RSPO1: variants seen among roughly 807,000 people sequenced by gnomAD.
The protein encoded by RSPO1 is R-spondin-1.
RSPO1 carries 18 observed loss-of-function variants against 26.0 expected under a neutral mutation model. That is an observed-to-expected ratio of 0.69 (90% confidence interval 0.48 to 1.03). RSPO1 has a LOEUF of 1.03. RSPO1 is among the 50% of genes least tolerant of loss of function. RSPO1 has a pLI of 0.00. For missense variants in RSPO1, 309 were observed against 352.3 expected (o/e 0.88, Z 0.98); for synonymous variants, 133 against 137.4 (o/e 0.97, Z 0.22).
At chr1:37,627,192 C>G (rs1644289660) in intron 3 of RSPO1, among the ~76,000 whole-genome samples, 1 of 152,098 alleles carries the variant, frequency 6.6e-6, no homozygotes, top group African/African-American at 2.4e-5. Context: ...GGCTCATACA[C>G]AGCACACCTA....
chr1:37,630,203 T>C (rs568556690), intron 2 of RSPO1, among the ~76,000 whole-genome samples: 1 of 152,366 alleles, frequency 6.6e-6, no homozygotes, highest in African/African-American at 2.4e-5. Context: ...TGATGATTTC[T>C]CAATAACGGG....
intron 3 of RSPO1, among the ~76,000 whole-genome samples, chr1:37,626,365 A>G (rs951842897): frequency 2.0e-5 from 3 of 151,604 alleles, no homozygotes; most frequent in Admixed American, 2.0e-4. Flanking sequence ...GCTCTCCAGA[A>G]CCCCCTTGAT....
chr1:37,624,205 G>T lies in RSPO1; in HGVS notation c.94+5363C>A, dbSNP rs149973650. On this transcript the variant is annotated intron_variant, in intron 3 of 6. Transcript: ENST00000356545. ...GGAGGCTGAGGCAGGAGGATATCTTGAGCCCAGGAGTTTGAGACCAGCCTT... is the reference window on the plus strand; with the variant it reads ...GGAGGCTGAGGCAGGAGGATATCTTTAGCCCAGGAGTTTGAGACCAGCCTT... Among the ~76,000 whole-genome samples the T allele has an allele frequency of 6.0e-3, 917 of 152,280 alleles. 12 individuals are homozygous for T. The highest frequency in any genetic ancestry group is 0.021 in the African/African-American group (880 of 41,556).
chr1:37,613,063 G>A lies in RSPO1; in HGVS notation c.626-142C>T. 1.1e-6 allele frequency: 1 copy of A among 900,330 alleles called. No homozygotes were observed. The highest frequency in any genetic ancestry group is 1.4e-5 in the South Asian group (1 of 71,030). The allele number at this position is 900,330 out of a possible 1,614,324, so 55.8% of individuals were successfully genotyped here. ...CTGGAGATGCTGCCTCTAGGTAGTT[G>A]GGTCATCGTGACCTCCTCTGACAGC... On this transcript the variant is annotated intron_variant, in intron 6 of 6. Transcript: ENST00000356545. This position sits in a 1 kb window ranked among gnomAD's most constrained non-coding sequence, Gnocchi z 4.5.
intron 4 of RSPO1, among the ~76,000 whole-genome samples, chr1:37,615,106 C>T (rs1644091587): frequency 6.6e-6 from 1 of 152,138 alleles, no homozygotes; most frequent in African/African-American, 2.4e-5. Flanking sequence ...GAAGCCCATG[C>T]TGCCAGTTTC....
chr1:37,615,593 T>C (rs1415845776), intron 4 of RSPO1, among the ~76,000 whole-genome samples: 2 of 152,204 alleles, frequency 1.3e-5, no homozygotes, highest in East Asian at 3.9e-4. Context: ...TCCCTCCCAG[T>C]GTTGTTGTGA....
chr1:37,614,336 G>T lies in RSPO1; in HGVS notation c.287-3C>A, dbSNP rs765526957. On this transcript the variant is annotated splice_region_variant and splice_polypyrimidine_tract_variant and intron_variant, in intron 4 of 6. Transcript: ENST00000356545. ...CTCACAGTGCTCGATCTTGCATTCT[G>T]AGGAGAGGACAGATTGGGGGCTTCT... The T allele has an allele frequency of 7.4e-6, 12 of 1,613,456 alleles. No homozygotes were observed. The Admixed American group carries it at 2.0e-4, about 27-fold the overall frequency.
chr1:37,614,125 A>G, intron 5 of RSPO1, 59 bp downstream of exon 5: 1 of 1,587,402 alleles, frequency 6.3e-7, no homozygotes. Context: ...CCAGACCCTT[A>G]CCCGGCCCCT....
At chr1:37,616,129 G>C (rs1165273805) in intron 4 of RSPO1, among the ~76,000 whole-genome samples, 3 of 152,142 alleles carry the variant, frequency 2.0e-5, no homozygotes, top group Non-Finnish European at 4.4e-5. Context: ...AAGGTGCTGG[G>C]AGCCTGGGGA....
intron 3 of RSPO1, among the ~76,000 whole-genome samples, chr1:37,623,009 A>T (rs1644225623): frequency 6.6e-6 from 1 of 151,990 alleles, no homozygotes; most frequent in Non-Finnish European, 1.5e-5. Flanking sequence ...CGAGGACACG[A>T]GGAAATGGGA....
At chr1:37,624,240 G>T (rs547032686) in intron 3 of RSPO1, among the ~76,000 whole-genome samples, 26 of 152,274 alleles carry the variant, frequency 1.7e-4, no homozygotes, top group Admixed American at 1.0e-3. Flanking sequence ...TGGCAACATA[G>T]TGAGATCAAG....
At chr1:37,631,382 G>A (rs573439929) in intron 2 of RSPO1, among the ~76,000 whole-genome samples, 38 of 152,062 alleles carry the variant, frequency 2.5e-4, no homozygotes, top group Non-Finnish European at 4.1e-4. Flanking sequence ...ACCCCTGCAC[G>A]CCCCTCCAGT....
intron 2 of RSPO1, among the ~76,000 whole-genome samples, chr1:37,631,081 C>A (rs1185409124): frequency 6.6e-6 from 1 of 152,142 alleles, no homozygotes; most frequent in East Asian, 1.9e-4. Context: ...GTGCCCCTCC[C>A]ACCCCCTGTC....
At chr1:37,628,130 T>G (rs1304665538) in intron 3 of RSPO1, among the ~76,000 whole-genome samples, 2 of 152,234 alleles carry the variant, frequency 1.3e-5, no homozygotes, top group East Asian at 3.8e-4. Context: ...GGGTCAGCGT[T>G]AAGCACATGT....
chr1:37,627,445 T>G (rs1557438247), intron 3 of RSPO1, among the ~76,000 whole-genome samples: 1 of 151,498 alleles, frequency 6.6e-6, no homozygotes, highest in Non-Finnish European at 1.5e-5. Context: ...AGGTCAAGAG[T>G]TCAAGACCAG....
intron 4 of RSPO1, among the ~76,000 whole-genome samples, chr1:37,614,756 G>GC (rs1570096511): frequency 6.6e-6 from 1 of 152,166 alleles, no homozygotes; most frequent in East Asian, 1.9e-4. Context: ...GGACAGAATG[G>GC]CCCCCCAGAG....
Position 37,612,892 on chromosome 1 carries a change from G to A in RSPO1, c.655C>T (p.Arg219Trp), listed in dbSNP as rs749116749. 40 of 1,613,974 alleles carry A rather than the reference G, an allele frequency of 2.5e-5. No homozygotes were observed. Among genetic ancestry groups the A allele is most frequent in the South Asian group, 2.1e-4 (19 of 91,090 alleles). ...AGGTTCCTGTTGGCATTCTCCCGCC[G>A]GCCCTGGCCTCCCTTCCTCCTCTTC... ...GQKRRKGGQGRRENANRNLAR... is the reference protein window; with the variant it reads ...GQKRRKGGQGWRENANRNLAR... Residue 219 changes from arginine to tryptophan, a missense_variant, in exon 7 of 7, where the codon CGG becomes TGG. Arg to Trp is a moderately radical substitution (Grantham distance 101). Coordinates refer to ENST00000356545, the MANE Select transcript of RSPO1 (RefSeq NM_001242908.2).
Position 37,612,645 on chromosome 1 carries a change from T to G in RSPO1, c.*110A>C. The G allele has an allele frequency of 8.8e-7, 1 of 1,131,616 alleles. No individual in the cohort carries two copies. 70.1% of individuals were successfully genotyped at this position (1,131,616 alleles called of 1,614,324 possible). On this transcript the variant is annotated 3_prime_UTR_variant, in exon 7 of 7. Coordinates refer to ENST00000356545, the MANE Select transcript of RSPO1 (RefSeq NM_001242908.2). ...TTGTGTCTATGTATGCATGGATGGA[T>G]TGGAGTGTGTGTGTATGCTTTGCCC...
intron 3 of RSPO1, among the ~76,000 whole-genome samples, chr1:37,625,522 A>G (rs2055178407): frequency 6.6e-6 from 1 of 151,900 alleles, no homozygotes; most frequent in African/African-American, 2.4e-5. Flanking sequence ...GGGTAGGAGG[A>G]TAGGTAGTGG....
Sources: allele counts gnomAD v4.1 joint callset (sites outside exome capture counted in the v4.1 genomes callset), GRCh38; gene constraint gnomAD v4.1.1; non-coding constraint Gnocchi (gnomAD v3.1); transcripts MANE v1.5; gene names NCBI Gene and HGNC (gene_info 2026-07-23, HGNC 2026-07-21).